Variants in CCDC73 observed in about 807,000 individuals in gnomAD.
The protein encoded by CCDC73 is coiled-coil domain containing 73.
In CCDC73, 95 loss-of-function variants were observed where a neutral mutation model predicts 116.5. The ratio of observed to expected loss-of-function variants is 0.82; its 90% CI spans 0.69 to 0.97. CCDC73 has a LOEUF of 0.97. Among genes scored for constraint, CCDC73 ranks in the 50% least tolerant of loss-of-function variants. The pLI is 0.00. For missense variants in CCDC73, 1,066 were observed against 1,206.8 expected, an observed-to-expected ratio of 0.88 and a Z score of 1.73; for synonymous variants, 398 against 401.3, an observed-to-expected ratio of 0.99 and a Z score of 0.10.
At chr11:32,821,777 G>A in the CCDC73 span, among the ~76,000 whole-genome samples, 2 of 152,198 alleles carry the variant, frequency 1.3e-5, no homozygotes, top group African/African-American at 4.8e-5. Context: ...CAGTTGCAAT[G>A]CTCCTCCTGA....
At chr11:32,745,893 T>C (rs570636591) in intron 2 of CCDC73, among the ~76,000 whole-genome samples, 3 of 152,278 alleles carry the variant, frequency 2.0e-5, no homozygotes, top group South Asian at 4.1e-4. Flanking sequence ...TGCCAGTCTG[T>C]GTCTTTTAGT....
intron 2 of CCDC73, among the ~76,000 whole-genome samples, chr11:32,729,519 T>C (rs1353320056): frequency 6.6e-6 from 1 of 152,196 alleles, no homozygotes; most frequent in African/African-American, 2.4e-5. Context: ...AACAATGTTT[T>C]AGATTTCTTT....
the CCDC73 span, among the ~76,000 whole-genome samples, chr11:32,803,196 C>T: frequency 6.6e-6 from 1 of 152,090 alleles, no homozygotes; most frequent in African/African-American, 2.4e-5. Context: ...CAGGTTCAAG[C>T]GATTCTGCCT....
Position 32,613,975 on chromosome 11 carries a change from ATTG to A in CCDC73, c.2340_2342del (p.Asn781del), listed in dbSNP as rs1217861036. The A allele has an allele frequency of 4.3e-6, 7 of 1,610,870 alleles. No individual in the cohort carries two copies. The highest frequency in any genetic ancestry group is 1.7e-5 in the Admixed American group (1 of 59,998). ...TGGCTTGTGAAGCATGACTATTCTCATTGTTAAGATGAAGATGGGAAATGTTCA... is the reference window on the plus strand; with the variant it reads ...TGGCTTGTGAAGCATGACTATTCTCATTAAGATGAAGATGGGAAATGTTCA... On this transcript the variant is annotated inframe_deletion, in exon 16 of 18. Coordinates refer to ENST00000335185, the MANE Select transcript of CCDC73 (RefSeq NM_001008391.4).
chr11:32,813,345 C>T, the CCDC73 span, among the ~76,000 whole-genome samples: 1 of 152,048 alleles, frequency 6.6e-6, no homozygotes, highest in Non-Finnish European at 1.5e-5. Flanking sequence ...CAGCCTCAAC[C>T]TCCTGAGCTC....
chr11:32,666,086 C>T (rs1855978455), intron 9 of CCDC73, among the ~76,000 whole-genome samples: 2 of 152,192 alleles, frequency 1.3e-5, no homozygotes, highest in Admixed American at 1.3e-4. Context: ...TCTGGCTGCC[C>T]TTAACATTTT....
intron 6 of CCDC73, among the ~76,000 whole-genome samples, chr11:32,690,007 A>G (rs758645927): frequency 4.6e-5 from 7 of 152,154 alleles, no homozygotes; most frequent in Non-Finnish European, 8.8e-5. Flanking sequence ...AAAGAAAGAA[A>G]ATTACATAAG....
rs187397095 is a variant in CCDC73, at chr11:32,633,575, T to C, written c.1185+2121A>G. Among the ~76,000 whole-genome samples, 93 of 152,296 alleles carry C rather than the reference T, an allele frequency of 6.1e-4. 1 individual carries two copies. Among genetic ancestry groups the C allele is most frequent in the Non-Finnish European group, 1.1e-3 (75 of 68,028 alleles). ...AAAAATAGGTAAAGGAAAAGGCACATGAGTTGCAGTCTGGAGTAAACCAGA... is the reference window on the plus strand; with the variant it reads ...AAAAATAGGTAAAGGAAAAGGCACACGAGTTGCAGTCTGGAGTAAACCAGA... On this transcript the variant is annotated intron_variant, in intron 14 of 17. Coordinates refer to ENST00000335185, the MANE Select transcript of CCDC73 (RefSeq NM_001008391.4).
At chr11:32,699,373 T>C (rs1264627797) in intron 5 of CCDC73, 48 bp from the exon 6 acceptor site, 3 of 1,457,358 alleles carry the variant, frequency 2.1e-6, no homozygotes, top group Admixed American at 2.2e-5. Flanking sequence ...TAAATAATAA[T>C]ACAAAGGGTA....
chr11:32,749,218 GTT>G (rs1850265755), intron 2 of CCDC73, among the ~76,000 whole-genome samples: 1 of 151,814 alleles, frequency 6.6e-6, no homozygotes, highest in African/African-American at 2.4e-5. Flanking sequence ...TTGTATGTGT[GTT>G]TCTTTTTTCT....
intron 1 of CCDC73, among the ~76,000 whole-genome samples, chr11:32,784,035 TA>T (rs1374068789): frequency 6.6e-6 from 1 of 152,104 alleles, no homozygotes; most frequent in African/African-American, 2.4e-5. Context: ...ATTAATACAT[TA>T]AAAAGAAAGC....
chr11:32,821,970 A>G, the CCDC73 span, among the ~76,000 whole-genome samples: 22 of 152,326 alleles, frequency 1.4e-4, no homozygotes, highest in South Asian at 4.6e-3. Context: ...TCAGCAACTC[A>G]GGAAACCCGA....
At chr11:32,704,298 C>T (rs1316413825) in intron 3 of CCDC73, among the ~76,000 whole-genome samples, 1 of 152,254 alleles carries the variant, frequency 6.6e-6, no homozygotes, top group Admixed American at 6.5e-5. Context: ...CACTCCCTGA[C>T]CTCTCCCTGC....
At chr11:32,729,463 T>C (rs1189358785) in intron 2 of CCDC73, among the ~76,000 whole-genome samples, 1 of 152,210 alleles carries the variant, frequency 6.6e-6, no homozygotes, top group Non-Finnish European at 1.5e-5. Flanking sequence ...CTATTGTGAA[T>C]AGTGCTGCAA....
the CCDC73 span, among the ~76,000 whole-genome samples, chr11:32,809,901 A>G: frequency 1.3e-5 from 2 of 152,214 alleles, no homozygotes; most frequent in African/African-American, 4.8e-5. Context: ...CATCGTAGGT[A>G]CAAGTTATTT....
At chr11:32,809,122 G>A in the CCDC73 span, among the ~76,000 whole-genome samples, 29 of 152,266 alleles carry the variant, frequency 1.9e-4, no homozygotes, top group East Asian at 4.8e-3. Flanking sequence ...GTAGAGAAAC[G>A]TTTAAATGTA....
chr11:32,695,097 G>A (rs1423361023), intron 6 of CCDC73, among the ~76,000 whole-genome samples: 4 of 152,232 alleles, frequency 2.6e-5, no homozygotes, highest in African/African-American at 9.6e-5. Flanking sequence ...GTCCGGGTGT[G>A]GTGGCTCACG....
chr11:32,781,067 G>A (rs966254686), intron 1 of CCDC73, among the ~76,000 whole-genome samples: 13 of 152,098 alleles, frequency 8.5e-5, no homozygotes, highest in East Asian at 1.9e-4. Flanking sequence ...CCCAGAAGGC[G>A]GACGTTGCAG....
intron 2 of CCDC73, among the ~76,000 whole-genome samples, chr11:32,757,377 C>T (rs1275863815): frequency 6.6e-6 from 1 of 151,968 alleles, no homozygotes; most frequent in African/African-American, 2.4e-5. Flanking sequence ...AATATACATA[C>T]TGAAGCATAT....
Sources: allele counts gnomAD v4.1 joint callset (sites outside exome capture counted in the v4.1 genomes callset), GRCh38; gene constraint gnomAD v4.1.1; transcripts MANE v1.5; gene names NCBI Gene and HGNC (gene_info 2026-07-23, HGNC 2026-07-21).